Variants in SCGB2B2 observed in about 807,000 individuals in gnomAD.
The protein encoded by SCGB2B2 is secretoglobin-like protein.
In SCGB2B2, 11 loss-of-function variants were observed where a neutral mutation model predicts 7.6. That is an observed-to-expected ratio of 1.45 (90% CI 0.91 to 2.40). SCGB2B2 has a LOEUF of 2.40. SCGB2B2 is among the 30% of genes most tolerant of loss of function. The probability of loss-of-function intolerance (pLI) is 0.00; values close to 1 mark genes in which losing one functional copy is unlikely to be tolerated. For missense variants in SCGB2B2, 104 were observed against 115.4 expected (o/e 0.90, Z 0.45); for synonymous variants, 50 against 48.6 (o/e 1.03, Z -0.12).
At chr19:34,631,499 T>C (rs1271781187) in intron 1 of SCGB2B2, among the ~76,000 whole-genome samples, 1 of 152,146 alleles carries the variant, frequency 6.6e-6, no homozygotes, top group East Asian at 1.9e-4. Context: ...CAATGACTAA[T>C]TTAAAATTGA....
intron 1 of SCGB2B2, among the ~76,000 whole-genome samples, chr19:34,666,140 T>C (rs1290648664): frequency 6.6e-6 from 1 of 151,978 alleles, no homozygotes; most frequent in Non-Finnish European, 1.5e-5. Context: ...GTCCCCAGAT[T>C]GTACAAAGTG....
rs539545880 is a variant in SCGB2B2 at position 34,599,472 on chromosome 19, A to G, written c.-2031-2878T>C. On this transcript the variant is annotated intron_variant, in intron 1 of 3. Transcript: ENST00000601241. ...AATCACGGTGGAAGGTGAAAGGCAT[A>G]TCTCACATGGCGGCAGCAAGAGACA... Among the ~76,000 whole-genome samples, 96 of 152,348 alleles carry G rather than the reference A, an allele frequency of 6.3e-4. 1 individual carries two copies. Among genetic ancestry groups the G allele is most frequent in the African/African-American group, 2.1e-3 (89 of 41,576 alleles).
intron 1 of SCGB2B2, among the ~76,000 whole-genome samples, chr19:34,626,478 C>T (rs1156321275): frequency 6.6e-6 from 1 of 151,946 alleles, no homozygotes; most frequent in Non-Finnish European, 1.5e-5. Context: ...CCTCAGTAGC[C>T]GATTCGATCA....
chr19:34,597,828 G>C (rs60558256), intron 1 of SCGB2B2, among the ~76,000 whole-genome samples: 71,673 of 152,102 alleles, frequency 0.47, 17,283 homozygotes, highest in East Asian at 0.7. Context: ...CTCGAGGCCT[G>C]CAGGGCACAT....
intron 1 of SCGB2B2, among the ~76,000 whole-genome samples, chr19:34,599,209 G>A (rs1223767345): frequency 6.6e-6 from 1 of 152,222 alleles, no homozygotes; most frequent in Admixed American, 6.5e-5. Flanking sequence ...TGCTGAGCAG[G>A]GAGTAGTCCC....
At position 34,594,197 on chromosome 19, in the gene SCGB2B2, C is replaced by A; in HGVS notation, c.224G>T (p.Arg75Ile). The A allele has an allele frequency of 1.2e-6, 2 of 1,614,078 alleles. No homozygotes were observed. The highest frequency in any genetic ancestry group is 2.2e-5 in the South Asian group (2 of 91,082). ...QCFANVSVTE[R>I]FAHSVVIKKI... is the part of the protein sequence containing the mutation. ...CACAATAACAACTGAATGAGCAAAT[C>A]TTTCTGTCACGGAGACATTGGCAAA... is the stretch of plus-strand genomic sequence containing the variant. Residue 75 changes from arginine to isoleucine, a missense_variant, in exon 3 of 4, where the codon AGA (arginine) becomes ATA (isoleucine). Physicochemically the swap from Arg to Ile is moderately conservative, Grantham distance 97. Coordinates refer to ENST00000601241, the MANE Select transcript of SCGB2B2 (RefSeq NM_001025591.4).
intron 1 of SCGB2B2, among the ~76,000 whole-genome samples, chr19:34,613,313 G>A (rs560524456): frequency 6.6e-6 from 1 of 152,160 alleles, no homozygotes; most frequent in South Asian, 2.1e-4. Context: ...GGCCCAGCTG[G>A]TCTCAAAACT....
At chr19:34,626,538 T>C (rs527806581) in intron 1 of SCGB2B2, among the ~76,000 whole-genome samples, 2 of 151,844 alleles carry the variant, frequency 1.3e-5, no homozygotes, top group East Asian at 3.9e-4. Context: ...TGAAATGAAA[T>C]GAGAAGAGAA....
intron 1 of SCGB2B2, among the ~76,000 whole-genome samples, chr19:34,613,301 T>C (rs1297860121): frequency 6.6e-6 from 1 of 152,152 alleles, no homozygotes; most frequent in Non-Finnish European, 1.5e-5. Flanking sequence ...TTTCACCATG[T>C]TGGCCCAGCT....
intron 1 of SCGB2B2, among the ~76,000 whole-genome samples, chr19:34,671,998 G>A (rs2146208225): frequency 6.6e-6 from 1 of 152,138 alleles, no homozygotes; most frequent in East Asian, 1.9e-4. Context: ...TGTAAAAGCT[G>A]GTTGTGGTGG....
chr19:34,617,843 A>C (rs1339936665), intron 1 of SCGB2B2, among the ~76,000 whole-genome samples: 1 of 152,142 alleles, frequency 6.6e-6, no homozygotes, highest in East Asian at 1.9e-4. Flanking sequence ...AGCTCTTATT[A>C]TTTTGAAATC....
intron 1 of SCGB2B2, among the ~76,000 whole-genome samples, chr19:34,649,424 A>G (rs1158888283): frequency 1.3e-5 from 2 of 152,208 alleles, no homozygotes; most frequent in African/African-American, 4.8e-5. Flanking sequence ...ACACACACAC[A>G]TAAAGATGAG....
At chr19:34,651,539 T>TA (rs1489240709) in intron 1 of SCGB2B2, among the ~76,000 whole-genome samples, 1 of 150,920 alleles carries the variant, frequency 6.6e-6, no homozygotes, top group Non-Finnish European at 1.5e-5. Context: ...AAATAGCTAT[T>TA]AAAAAAAGAA....
downstream of SCGB2B2, among the ~76,000 whole-genome samples, chr19:34,585,656 G>T (rs570945313): frequency 6.6e-6 from 1 of 152,276 alleles, no homozygotes; most frequent in East Asian, 1.9e-4. Context: ...GGTGGGCAGG[G>T]GACTTGGTTA....
chr19:34,617,083 T>C (rs898267678), intron 1 of SCGB2B2, among the ~76,000 whole-genome samples: 3 of 152,240 alleles, frequency 2.0e-5, no homozygotes, highest in Non-Finnish European at 2.9e-5. Context: ...GTTTTGGTTA[T>C]GTAGCCTTGC....
At chr19:34,633,412 A>G (rs1253501375) in intron 1 of SCGB2B2, among the ~76,000 whole-genome samples, 3 of 152,250 alleles carry the variant, frequency 2.0e-5, no homozygotes. Flanking sequence ...ATTGTGGAGT[A>G]TCTATATAAA....
At chr19:34,631,102 C>T (rs1259515535) in intron 1 of SCGB2B2, among the ~76,000 whole-genome samples, 3 of 110,400 alleles carry the variant, frequency 2.7e-5, no homozygotes, top group Middle Eastern at 9.6e-3. Context: ...CATCACACAC[C>T]GGGGCCTGTT....
chr19:34,665,177 T>G (rs928590302), intron 1 of SCGB2B2, among the ~76,000 whole-genome samples: 1 of 152,188 alleles, frequency 6.6e-6, no homozygotes, highest in African/African-American at 2.4e-5. Flanking sequence ...GTCCCTCCTG[T>G]GCCCAGGCCC....
rs540533499 is a variant in SCGB2B2, at chr19:34,607,677, T to C, written c.-2031-11083A>G. 9.0e-4 allele frequency among the ~76,000 whole-genome samples: 137 copies of C among 152,256 alleles called. 1 individual carries two copies. Among genetic ancestry groups the C allele is most frequent in the Non-Finnish European group, 1.7e-3 (113 of 68,040 alleles). Reference sequence around the variant, plus strand: ...GTAAGGTGGTATGTTGTGGTTTTGATTGCCATTTCCCTGATGATTCGTGAT... The same window carrying C: ...GTAAGGTGGTATGTTGTGGTTTTGACTGCCATTTCCCTGATGATTCGTGAT... On this transcript the variant is annotated intron_variant, in intron 1 of 3. Transcript: ENST00000601241.
Sources: gnomAD v4.1 joint callset for allele counts (sites outside exome capture counted in the v4.1 genomes callset) on GRCh38, gnomAD v4.1.1 for gene constraint, MANE v1.5 for transcripts, NCBI Gene and HGNC (gene_info 2026-07-23, HGNC 2026-07-21) for gene names.